GABRB3: variants seen among roughly 807,000 people sequenced by gnomAD.
GABRB3 encodes gamma-aminobutyric acid type A receptor subunit beta3.
In GABRB3, 14 loss-of-function variants were observed where a neutral mutation model predicts 52.1. That is an observed-to-expected ratio of 0.27 (90% CI 0.18 to 0.42). GABRB3 has a LOEUF of 0.42. Ranked by LOEUF, GABRB3 falls within the 10% of genes least tolerant of loss-of-function variation. GABRB3 has a pLI of 1.00. For missense variants in GABRB3, 307 were observed against 609.1 expected, an observed-to-expected ratio of 0.50 and a Z score of 5.22; for synonymous variants, 260 against 232.3, an observed-to-expected ratio of 1.12 and a Z score of -1.08.
intron 8 of GABRB3, among the ~76,000 whole-genome samples, chr15:26,554,043 A>ATATATATATT (rs1487375439): frequency 3.7e-5 from 4 of 108,154 alleles, no homozygotes; most frequent in African/African-American, 1.5e-4. Context: ...ATATTTATTT[A>ATATATATATT]TTTATATTTA....
At chr15:26,617,421 T>C (rs1021423513) in intron 4 of GABRB3, among the ~76,000 whole-genome samples, 3 of 152,298 alleles carry the variant, frequency 2.0e-5, no homozygotes, top group South Asian at 4.1e-4. Context: ...AACCACATGA[T>C]TATCTCAATA....
intron 3 of GABRB3, among the ~76,000 whole-genome samples, chr15:26,663,560 T>C (rs1321067369): frequency 6.6e-6 from 1 of 152,226 alleles, no homozygotes; most frequent in Non-Finnish European, 1.5e-5. Context: ...TAATACATCT[T>C]TTTTCATCAC....
At chr15:26,597,437 A>G (rs1052819604) in intron 4 of GABRB3, among the ~76,000 whole-genome samples, 2 of 152,120 alleles carry the variant, frequency 1.3e-5, no homozygotes, top group African/African-American at 2.4e-5. Flanking sequence ...TACACCTGAG[A>G]AAAGTGTTGT....
intron 3 of GABRB3, among the ~76,000 whole-genome samples, chr15:26,644,437 G>T (rs1893295997): frequency 6.6e-6 from 1 of 152,178 alleles, no homozygotes; most frequent in African/African-American, 2.4e-5. Context: ...ACAGAGAGAA[G>T]GCCTCGTGAA....
chr15:26,767,213 T>G (rs1309353419), intron 3 of GABRB3: 1 of 152,224 alleles, frequency 6.6e-6, no homozygotes, highest in African/African-American at 2.4e-5. Context: ...ACCCCTGAAG[T>G]GCCTTCCATG....
intron 3 of GABRB3, among the ~76,000 whole-genome samples, chr15:26,718,003 CT>C (rs1889541852): frequency 6.6e-6 from 1 of 152,184 alleles, no homozygotes; most frequent in Non-Finnish European, 1.5e-5. Flanking sequence ...CATTCTTTCT[CT>C]TTTGCCCACT....
At chr15:26,568,328 C>A (rs1446659784) in intron 6 of GABRB3, among the ~76,000 whole-genome samples, 1 of 152,132 alleles carries the variant, frequency 6.6e-6, no homozygotes, top group African/African-American at 2.4e-5. Flanking sequence ...CAAAGGAGCA[C>A]CTGTCTGCCT....
upstream of GABRB3, chr15:26,773,192 G>C (rs1318712347): frequency 1.1e-5 from 2 of 188,752 alleles, no homozygotes; most frequent in Non-Finnish European, 2.1e-5. Flanking sequence ...CCGGAGAGTC[G>C]GAGGCGGAGC....
At chr15:26,730,509 G>A (rs1889883775) in intron 3 of GABRB3, among the ~76,000 whole-genome samples, 1 of 152,224 alleles carries the variant, frequency 6.6e-6, no homozygotes, top group South Asian at 2.1e-4. Context: ...GATGAATGCG[G>A]TCACGTCCCA....
At chr15:26,624,645 A>G (rs1298102489) in intron 3 of GABRB3, 11 of 985,408 alleles carry the variant, frequency 1.1e-5, no homozygotes, top group Non-Finnish European at 1.3e-5. Context: ...AGGTAACAGC[A>G]AGAGGGAAAA....
chr15:26,584,876 G>A (rs1217674475), intron 4 of GABRB3, among the ~76,000 whole-genome samples: 1 of 152,192 alleles, frequency 6.6e-6, no homozygotes, highest in African/African-American at 2.4e-5. Context: ...GCCATTAGTG[G>A]GTGAGAGATA....
At position 26,729,639 on chromosome 15, in the gene GABRB3, A is replaced by C. The variant is rs528007106; in HGVS notation, c.240+42763T>G. ...GGGGAACAAAATCTCACTTCTCCCTATAACTTCTTGAGCCAAAAATAGATC... is the reference window on the plus strand; with the variant it reads ...GGGGAACAAAATCTCACTTCTCCCTCTAACTTCTTGAGCCAAAAATAGATC... On this transcript the variant is annotated intron_variant, in intron 3 of 8. Transcript: ENST00000311550. 1.1e-4 allele frequency among the ~76,000 whole-genome samples: 16 copies of C among 152,260 alleles called. No individual in the cohort carries two copies. The South Asian group carries it at 3.3e-3, about 32-fold the overall frequency.
At chr15:26,572,887 T>C (rs1357071181) in intron 6 of GABRB3, among the ~76,000 whole-genome samples, 2 of 152,190 alleles carry the variant, frequency 1.3e-5, no homozygotes, top group African/African-American at 4.8e-5. Context: ...CAAAACTACC[T>C]AGTGAAGATG....
Position 26,606,805 on chromosome 15 carries a change from T to TAG in GABRB3, c.461+14508_461+14509insCT, listed in dbSNP as rs1398253433. 2.7e-3 allele frequency among the ~76,000 whole-genome samples: 318 copies of TAG among 117,974 alleles called. 3 individuals carry two copies. The highest frequency in any genetic ancestry group is 3.8e-3 in the Non-Finnish European group (190 of 49,918). The allele number at this position is 117,974 out of a possible 152,430, so 77.4% of individuals were successfully genotyped here. ...AGATATATCTATAGATAGATATATCTATAGATAGATAGATAGATAGATAGA... is the reference window on the plus strand; with the variant it reads ...AGATATATCTATAGATAGATATATCTAGATAGATAGATAGATAGATAGATAGA... On this transcript the variant is annotated intron_variant, in intron 4 of 8. Coordinates refer to ENST00000311550, the MANE Select transcript of GABRB3 (RefSeq NM_000814.6).
At chr15:26,715,239 C>T (rs1213470110) in intron 3 of GABRB3, among the ~76,000 whole-genome samples, 1 of 152,112 alleles carries the variant, frequency 6.6e-6, no homozygotes, top group African/African-American at 2.4e-5. Flanking sequence ...GAGACTTGGG[C>T]TGGTGATTGA....
intron 3 of GABRB3, among the ~76,000 whole-genome samples, chr15:26,626,178 CTATTAT>C (rs199504426): frequency 6.6e-6 from 1 of 152,084 alleles, no homozygotes; most frequent in South Asian, 2.1e-4. Flanking sequence ...TTTGATATTA[CTATTAT>C]TATCACTCTG....
At chr15:26,769,963 G>A (rs916295402) in intron 3 of GABRB3, among the ~76,000 whole-genome samples, 5 of 105,026 alleles carry the variant, frequency 4.8e-5, no homozygotes, top group Non-Finnish European at 9.4e-5. Context: ...TAAAGCTCAT[G>A]AATAGATTTT....
At chr15:26,732,256 A>G (rs1370912008) in intron 3 of GABRB3, among the ~76,000 whole-genome samples, 3 of 144,130 alleles carry the variant, frequency 2.1e-5, no homozygotes, top group Non-Finnish European at 4.5e-5. Context: ...ATGGATGAAT[A>G]GATGGATGGA....
chr15:26,693,451 T>C (rs1013235730), intron 3 of GABRB3, among the ~76,000 whole-genome samples: 3 of 152,168 alleles, frequency 2.0e-5, no homozygotes, highest in African/African-American at 7.2e-5. Flanking sequence ...CTTGTTGGCC[T>C]GGTATGAGGA....
Sources: allele counts gnomAD v4.1 joint callset (sites outside exome capture counted in the v4.1 genomes callset), GRCh38; gene constraint gnomAD v4.1.1; transcripts MANE v1.5; gene names NCBI Gene and HGNC (gene_info 2026-07-23, HGNC 2026-07-21).